The following MYO7B variants were observed in gnomAD, a reference collection of about 807,000 sequenced individuals.
MYO7B encodes the protein unconventional myosin-VIIb.
MYO7B carries 212 observed loss-of-function variants against 259.7 expected under a neutral mutation model. That is an observed-to-expected ratio of 0.82 (90% CI 0.73 to 0.91). The LOEUF (loss-of-function observed/expected upper bound fraction) is 0.91, where lower values mean the gene tolerates loss of function less well. MYO7B is among the 40% of genes least tolerant of loss of function. The probability of loss-of-function intolerance (pLI) is 0.00; values close to 1 mark genes in which losing one functional copy is unlikely to be tolerated. For synonymous variants in MYO7B, 1,197 were observed against 1,166.4 expected, an observed-to-expected ratio of 1.03 and a Z score of -0.54; for missense variants, 2,732 against 2,813.5, an observed-to-expected ratio of 0.97 and a Z score of 0.66.
chr2:127,563,234 C>A (rs1678180521), intron 2 of MYO7B, among the ~76,000 whole-genome samples: 1 of 152,168 alleles, frequency 6.6e-6, no homozygotes, highest in African/African-American at 2.4e-5. Context: ...TTCTCTTTTG[C>A]TGAGTATTAT....
chr2:127,617,566 C>A (rs12692067), intron 26 of MYO7B, among the ~76,000 whole-genome samples: 43,190 of 137,132 alleles, frequency 0.31, 7,213 homozygotes, highest in South Asian at 0.53. Context: ...GCAGTGGCGC[C>A]ATCTCGGCTC....
At chr2:127,563,196 C>A (rs1678178867) in intron 2 of MYO7B, among the ~76,000 whole-genome samples, 1 of 152,222 alleles carries the variant, frequency 6.6e-6, no homozygotes, top group South Asian at 2.1e-4. Flanking sequence ...TACTTGGTCA[C>A]AACTTCCTAC....
At chr2:127,630,630 G>C in intron 35 of MYO7B, 148 bp from the exon 36 acceptor site, 1 of 1,073,298 alleles carries the variant, frequency 9.3e-7, no homozygotes, top group Non-Finnish European at 1.3e-6. Flanking sequence ...TCACACGGCA[G>C]GTGACAGGGG....
At chr2:127,574,729 G>A (rs1301536705) in intron 7 of MYO7B, among the ~76,000 whole-genome samples, 1 of 152,216 alleles carries the variant, frequency 6.6e-6, no homozygotes, top group Non-Finnish European at 1.5e-5. Context: ...ACATGGCCAG[G>A]AAGTACAGTG....
intron 34 of MYO7B, among the ~76,000 whole-genome samples, chr2:127,629,142 G>A (rs1681324131): frequency 6.6e-6 from 1 of 152,208 alleles, no homozygotes; most frequent in Non-Finnish European, 1.5e-5. Context: ...GGGGGTGCTG[G>A]TTGGGATGTA....
intron 10 of MYO7B, 55 bp from the exon 11 acceptor site, chr2:127,581,836 T>C: frequency 6.2e-7 from 1 of 1,607,194 alleles, no homozygotes. Flanking sequence ...CAGGTCAGAG[T>C]GCTGGGCCAG....
In MYO7B at chr2:127,596,525, A is replaced by C. The variant is rs374255308; in HGVS notation, c.2308A>C (p.Ile770Leu). ...GGTGCTAGACAGAGCGGCGCTCAGC[A>C]TCCAGAAAGTCCTTCGGGGCTACAG... ...SQVLDRAALS[I>L]QKVLRGYRYR... Residue 770 changes from isoleucine to leucine, a missense_variant, in exon 19 of 48, where the codon ATC becomes CTC. Ile to Leu is a conservative substitution (Grantham distance 5). Transcript: ENST00000409816. 1.1e-5 allele frequency: 18 copies of C among 1,613,348 alleles called. No individual in the cohort carries two copies. The highest frequency in any genetic ancestry group is 1.4e-5 in the Non-Finnish European group (17 of 1,179,714).
chr2:127,632,196 GCCAGGGCC>G, intron 38 of MYO7B, 42 bp from the exon 39 acceptor site: 1 of 1,575,428 alleles, frequency 6.3e-7, no homozygotes, highest in Non-Finnish European at 8.6e-7. Context: ...TGCCTGCCTG[GCCAGGGCC>G]CCCTGAGGGG....
At position 127,615,905 on chromosome 2, in the gene MYO7B, A is replaced by G. The variant is rs987624770; in HGVS notation, c.3398+3302A>G. On this transcript the variant is annotated intron_variant, in intron 26 of 47. Coordinates refer to ENST00000409816, the MANE Select transcript of MYO7B (RefSeq NM_001393586.1). This position sits in a 1 kb window ranked among gnomAD's most constrained non-coding sequence, Gnocchi z 4.4. The stretch of plus-strand genomic sequence containing the variant: ...AACCAGGCCCGTGGTTGGGATCCAC[A>G]GGTCCCTCCAGTCTCCCGTTGCATG... Among the ~76,000 whole-genome samples the G allele has an allele frequency of 6.6e-6, 1 of 152,230 alleles. No homozygotes were observed. Among genetic ancestry groups the G allele is most frequent in the Non-Finnish European group, 1.5e-5 (1 of 68,050 alleles).
Position 127,636,257 on chromosome 2 carries a change from C to T in MYO7B, c.6056C>T (p.Ala2019Val). The T allele has an allele frequency of 1.2e-6, 2 of 1,613,662 alleles. No individual in the cohort carries two copies. Among genetic ancestry groups the T allele is most frequent in the Middle Eastern group, 3.3e-4 (2 of 6,060 alleles). ...DKHKDKTVEE[A>V]KVAFLKWICR... ...CATAAGGACAAGACAGTGGAGGAGG[C>T]CAAGGTGGCCTTCCTGAAGTGGATC... Residue 2019 changes from alanine to valine, a missense_variant, in exon 45 of 48, where the codon GCC becomes GTC. Physicochemically the swap from Ala to Val is moderately conservative, Grantham distance 64 (BLOSUM62 0). Transcript: ENST00000409816. This position sits in a 1 kb window ranked among gnomAD's most constrained non-coding sequence, Gnocchi z 4.5.
intron 20 of MYO7B, among the ~76,000 whole-genome samples, chr2:127,606,523 C>T (rs554012725): frequency 2.0e-4 from 31 of 152,214 alleles, no homozygotes; most frequent in Admixed American, 3.9e-4. Flanking sequence ...CCTGTTGCTT[C>T]GCATACATCA....
chr2:127,619,090 G>A (rs1381021676), intron 26 of MYO7B, among the ~76,000 whole-genome samples: 1 of 126,716 alleles, frequency 7.9e-6, no homozygotes, highest in Non-Finnish European at 1.7e-5. Flanking sequence ...GGCTGGTTGG[G>A]TTGTGGGGGC....
At chr2:127,571,442 G>GTTTTTTTTTTTGTTTTT (rs1553448472) in intron 6 of MYO7B, among the ~76,000 whole-genome samples, 1 of 41,982 alleles carries the variant, frequency 2.4e-5, no homozygotes, top group East Asian at 1.5e-3. Flanking sequence ...TTACCAGTGA[G>GTTTTTTTTTTTGTTTTT]TTTTTTTTTT....
intron 1 of MYO7B, among the ~76,000 whole-genome samples, chr2:127,550,346 A>G: frequency 6.6e-6 from 1 of 152,146 alleles, no homozygotes; most frequent in South Asian, 2.1e-4. Context: ...TGGGCAGCTC[A>G]CTTGAGGCCA....
At chr2:127,621,260 T>G (rs940286963) in intron 27 of MYO7B, among the ~76,000 whole-genome samples, 26 of 151,144 alleles carry the variant, frequency 1.7e-4, no homozygotes, top group African/African-American at 5.8e-4. Context: ...GCAATTTTTT[T>G]TTTTGTTTTT....
chr2:127,621,908 T>C, intron 27 of MYO7B, 74 bp from the exon 28 acceptor site: 2 of 1,545,304 alleles, frequency 1.3e-6, no homozygotes, highest in Non-Finnish European at 1.8e-6. Context: ...AATTCTTAAG[T>C]CCACCTGGGT....
In MYO7B at chr2:127,582,375, G is replaced by A. The variant is rs764434482; in HGVS notation, c.1272G>A (p.Gln424=). The change falls in exon 12 of 48, where the codon CAG becomes CAA. Residue 424 remains glutamine, a synonymous_variant. Transcript: ENST00000409816. ...INAAIFTPPA[Q]DPKNVRRAIG... is the part of the protein sequence containing the mutation. ...CCGCCATCTTCACACCACCAGCCCA[G>A]GACCCCAAAAATGTGCGGAGGGCCA... 6.2e-7 allele frequency: 1 copy of A among 1,613,456 alleles called. No individual in the cohort carries two copies. The highest frequency in any genetic ancestry group is 8.5e-7 in the Non-Finnish European group (1 of 1,179,730).
At position 127,628,845 on chromosome 2, in the gene MYO7B, A is replaced by T. The variant is rs1016854926; in HGVS notation, c.4624+310A>T. On this transcript the variant is annotated intron_variant, in intron 34 of 47. Transcript: ENST00000409816. The surrounding 1 kb of genome is among the most constrained non-coding windows in gnomAD (Gnocchi z 4.8). ...CCCCCAGCCCAGGGAAGTTTTGAAC[A>T]CCATCCCCACAGCGCACTGCTGCAA... Among the ~76,000 whole-genome samples, 5 of 152,208 alleles carry T rather than the reference A, an allele frequency of 3.3e-5. No individual in the cohort carries two copies. Among genetic ancestry groups the T allele is most frequent in the Non-Finnish European group, 7.3e-5 (5 of 68,036 alleles).
chr2:127,622,884 C>T (rs537810893), intron 28 of MYO7B, among the ~76,000 whole-genome samples: 1 of 152,228 alleles, frequency 6.6e-6, no homozygotes, highest in African/African-American at 2.4e-5. Context: ...CTGAACCACA[C>T]CAAGCTCAGG....
Sources: allele counts gnomAD v4.1 joint callset (sites outside exome capture counted in the v4.1 genomes callset), GRCh38; gene constraint gnomAD v4.1.1; non-coding constraint Gnocchi (gnomAD v3.1); transcripts MANE v1.5; gene names NCBI Gene and HGNC (gene_info 2026-07-23, HGNC 2026-07-21).